The following NRXN1 variants were observed in gnomAD, a reference collection of about 807,000 sequenced individuals.
NRXN1 encodes the protein neurexin-1.
A neutral mutation model predicts 150.9 loss-of-function variants in NRXN1; 39 were observed. The ratio of observed to expected loss-of-function variants is 0.26; its 90% CI spans 0.20 to 0.34. The LOEUF (loss-of-function observed/expected upper bound fraction) is 0.34, where lower values mean the gene tolerates loss of function less well. Ranked by LOEUF, NRXN1 falls within the 10% of genes least tolerant of loss-of-function variation. The pLI is 1.00. For synonymous variants in NRXN1, 924 were observed against 757.0 expected (o/e 1.22, Z -3.62); for missense variants, 1,815 against 1,949.9 (o/e 0.93, Z 1.30).
intron 17 of NRXN1, among the ~76,000 whole-genome samples, chr2:50,341,546 T>C (rs2077549177): frequency 2.6e-5 from 4 of 152,226 alleles, no homozygotes; most frequent in Non-Finnish European, 5.9e-5. Context: ...ATTTACACAG[T>C]GCTAGTAAAT....
At chr2:50,978,851 T>G (rs1575111866) in intron 2 of NRXN1, among the ~76,000 whole-genome samples, 1 of 152,080 alleles carries the variant, frequency 6.6e-6, no homozygotes, top group Non-Finnish European at 1.5e-5. Context: ...TGTGTGAACT[T>G]GTAGGACTAT....
In NRXN1 at chr2:50,877,679, T is replaced by C. The variant is rs867639329; in HGVS notation, c.832+44190A>G. 4.8e-4 allele frequency among the ~76,000 whole-genome samples: 73 copies of C among 152,088 alleles called. No individual in the cohort carries two copies. The Middle Eastern group carries it at 0.024, about 50-fold the overall frequency. ...TAATCACTTGACTATACTACATTAA[T>C]AGTATTTGAATGGTAATATGCATGT... On this transcript the variant is annotated intron_variant, in intron 5 of 22. Coordinates refer to ENST00000401669, the MANE Select transcript of NRXN1 (RefSeq NM_001330078.2).
intron 5 of NRXN1, among the ~76,000 whole-genome samples, chr2:50,640,778 T>C (rs1683967621): frequency 6.6e-6 from 1 of 152,202 alleles, no homozygotes; most frequent in African/African-American, 2.4e-5. Context: ...TTCAGTTGTT[T>C]TCAATTTTTT....
At chr2:50,250,891 A>T (rs975261414) in intron 17 of NRXN1, among the ~76,000 whole-genome samples, 1 of 151,774 alleles carries the variant, frequency 6.6e-6, no homozygotes, top group African/African-American at 2.4e-5. Flanking sequence ...ATATTGTATT[A>T]CATATGTAAT....
intron 21 of NRXN1, among the ~76,000 whole-genome samples, chr2:49,991,486 C>G (rs1398041331): frequency 6.6e-6 from 1 of 151,686 alleles, no homozygotes; most frequent in African/African-American, 2.4e-5. Context: ...TACATTAGCA[C>G]CCCCCCAAAA....
chr2:50,700,886 T>C (rs1693641156), intron 5 of NRXN1, among the ~76,000 whole-genome samples: 1 of 151,914 alleles, frequency 6.6e-6, no homozygotes, highest in Non-Finnish European at 1.5e-5. Context: ...CAGGATGGTC[T>C]CAGTCTCCTG....
intron 5 of NRXN1, among the ~76,000 whole-genome samples, chr2:50,633,392 G>A (rs1014400264): frequency 6.6e-6 from 1 of 152,100 alleles, no homozygotes; most frequent in Non-Finnish European, 1.5e-5. Flanking sequence ...AAGTAGAGGA[G>A]AGGGTAATAA....
At chr2:50,584,413 C>T (rs1042597951) in intron 8 of NRXN1, among the ~76,000 whole-genome samples, 2 of 152,332 alleles carry the variant, frequency 1.3e-5, no homozygotes, top group Admixed American at 6.5e-5. Flanking sequence ...ATCAGCCCAT[C>T]TGTCCTGCTT....
intron 5 of NRXN1, among the ~76,000 whole-genome samples, chr2:50,825,296 T>C (rs1317374928): frequency 1.3e-5 from 2 of 152,196 alleles, no homozygotes; most frequent in Non-Finnish European, 2.9e-5. Flanking sequence ...GATAAGAATA[T>C]CATTTGTATG....
intron 9 of NRXN1, among the ~76,000 whole-genome samples, chr2:50,539,552 T>C (rs1037489959): frequency 6.6e-6 from 1 of 152,196 alleles, no homozygotes; most frequent in Non-Finnish European, 1.5e-5. Context: ...TAAAGCATAT[T>C]CCTGATCAAA....
intron 8 of NRXN1, among the ~76,000 whole-genome samples, chr2:50,572,272 T>A (rs1670777743): frequency 6.6e-6 from 1 of 152,172 alleles, no homozygotes; most frequent in Non-Finnish European, 1.5e-5. Context: ...ATGAGGTCAA[T>A]ACCAGACAGG....
Position 50,506,604 on chromosome 2 carries a change from C to T in NRXN1, c.2388G>A (p.Glu796=), listed in dbSNP as rs779616485. The change falls in exon 13 of 23, where the codon GAG becomes GAA. Residue 796 remains glutamate, a synonymous_variant. Transcript: ENST00000401669. ...RINCNSSKGP[E]TLFAGYNLND... is the part of the protein sequence containing the mutation. Reference sequence around the variant, plus strand: ...TGAGGTTATAGCCAGCAAAAAGAGTCTCGGGACCTTTGCCTGTAGAATATG... The same window carrying T: ...TGAGGTTATAGCCAGCAAAAAGAGTTTCGGGACCTTTGCCTGTAGAATATG... 1 of 1,613,254 alleles carries T rather than the reference C, an allele frequency of 6.2e-7. No individual in the cohort carries two copies. The highest frequency in any genetic ancestry group is 8.5e-7 in the Non-Finnish European group (1 of 1,179,498).
intron 18 of NRXN1, among the ~76,000 whole-genome samples, chr2:50,189,013 C>A (rs1254160926): frequency 6.6e-6 from 1 of 152,190 alleles, no homozygotes; most frequent in Non-Finnish European, 1.5e-5. Context: ...AATCCCATTA[C>A]TGGGTATATA....
At chr2:50,400,753 G>A (rs924391459) in intron 17 of NRXN1, among the ~76,000 whole-genome samples, 2 of 152,174 alleles carry the variant, frequency 1.3e-5, no homozygotes, top group Admixed American at 1.3e-4. Flanking sequence ...AAAAAAGTGT[G>A]CTTTGGGCAA....
At chr2:50,254,639 A>C (rs1202248430) in intron 17 of NRXN1, among the ~76,000 whole-genome samples, 3 of 150,436 alleles carry the variant, frequency 2.0e-5, no homozygotes, top group African/African-American at 7.5e-5. Flanking sequence ...TCAATTTTTT[A>C]AGTGGTGGTT....
At chr2:50,072,402 T>G (rs1696417763) in intron 19 of NRXN1, among the ~76,000 whole-genome samples, 1 of 152,102 alleles carries the variant, frequency 6.6e-6, no homozygotes, top group South Asian at 2.1e-4. Flanking sequence ...TTCTTCAATT[T>G]GGAAACTACT....
chr2:50,296,332 CAA>C (rs1290239432), intron 17 of NRXN1, among the ~76,000 whole-genome samples: 1 of 152,126 alleles, frequency 6.6e-6, no homozygotes, highest in Non-Finnish European at 1.5e-5. Context: ...GCAATTGCCA[CAA>C]GAGTTGTGAA....
chr2:50,373,626 A>AAAAGAAAG (rs202127677), intron 17 of NRXN1, among the ~76,000 whole-genome samples: 1,566 of 98,526 alleles, frequency 0.016, 33 homozygotes, highest in East Asian at 0.026. Context: ...AGAGAGAAAG[A>AAAAGAAAG]AAAGAAAGAA....
chr2:51,026,970 C>T (rs1670589251), intron 2 of NRXN1, among the ~76,000 whole-genome samples: 1 of 152,222 alleles, frequency 6.6e-6, no homozygotes, highest in East Asian at 1.9e-4. Context: ...TGCCCGTGAA[C>T]CCTGTCTTTC....
Sources: gnomAD v4.1 joint callset for allele counts (sites outside exome capture counted in the v4.1 genomes callset) on GRCh38, gnomAD v4.1.1 for gene constraint, MANE v1.5 for transcripts, NCBI Gene and HGNC (gene_info 2026-07-23, HGNC 2026-07-21) for gene names.